Variants in METTL15 observed in about 807,000 individuals in gnomAD.
The protein encoded by METTL15 is methyltransferase 15, mitochondrial 12S rRNA N4-cytidine.
In METTL15, 34 loss-of-function variants were observed where a neutral mutation model predicts 38.3. The ratio of observed to expected loss-of-function variants is 0.89; its 90% CI spans 0.68 to 1.18. METTL15 has a LOEUF of 1.18. Ranked by LOEUF, METTL15 falls within the 50% of genes most tolerant of loss-of-function variation. METTL15 has a pLI of 0.00. For missense variants in METTL15, 438 were observed against 498.4 expected (o/e 0.88, Z 1.15); for synonymous variants, 162 against 170.9 (o/e 0.95, Z 0.41).
At chr11:28,129,293 TA>T (rs1314807503) in intron 3 of METTL15, among the ~76,000 whole-genome samples, 19 of 152,366 alleles carry the variant, frequency 1.2e-4, no homozygotes, top group African/African-American at 4.1e-4. Context: ...TAACATTTTA[TA>T]TAGTGATTTT....
intron 3 of METTL15, among the ~76,000 whole-genome samples, chr11:28,153,855 C>A (rs1402492124): frequency 6.6e-6 from 1 of 152,062 alleles, no homozygotes; most frequent in African/African-American, 2.4e-5. Flanking sequence ...TCGTTAGGCT[C>A]ATTTTACAAA....
chr11:28,530,137 T>C (rs1031493902), downstream of METTL15, among the ~76,000 whole-genome samples: 1 of 152,108 alleles, frequency 6.6e-6, no homozygotes, highest in African/African-American at 2.4e-5. Context: ...AAGGAGACAT[T>C]AATGAAACAA....
intron 6 of METTL15, among the ~76,000 whole-genome samples, chr11:28,473,870 C>T (rs547974655): frequency 6.6e-6 from 1 of 151,940 alleles, no homozygotes; most frequent in Non-Finnish European, 1.5e-5. Context: ...CCTATGTTTT[C>T]TTCAGGGCCC....
chr11:28,278,120 A>G (rs1855912544), intron 4 of METTL15, among the ~76,000 whole-genome samples: 2 of 152,164 alleles, frequency 1.3e-5, no homozygotes, highest in Non-Finnish European at 2.9e-5. Context: ...ACAACAACCC[A>G]GAAAAGCCCT....
intron 6 of METTL15, among the ~76,000 whole-genome samples, chr11:28,453,964 A>G (rs1851146596): frequency 6.6e-6 from 1 of 152,224 alleles, no homozygotes; most frequent in African/African-American, 2.4e-5. Context: ...AATTTTAATC[A>G]TACTGTATTA....
intron 5 of METTL15, among the ~76,000 whole-genome samples, chr11:28,408,238 C>T (rs918889861): frequency 2.0e-5 from 3 of 152,058 alleles, no homozygotes; most frequent in Non-Finnish European, 2.9e-5. Flanking sequence ...AGTTGATAGG[C>T]GCAGCACACC....
intron 4 of METTL15, among the ~76,000 whole-genome samples, chr11:28,227,881 T>C (rs1404138676): frequency 6.6e-6 from 1 of 151,948 alleles, no homozygotes; most frequent in Non-Finnish European, 1.5e-5. Context: ...TGTTTCCTGA[T>C]CATTCTATTA....
chr11:28,483,781 A>G (rs1380576822), intron 6 of METTL15, among the ~76,000 whole-genome samples: 1 of 152,158 alleles, frequency 6.6e-6, no homozygotes, highest in Non-Finnish European at 1.5e-5. Flanking sequence ...TCACAGTTCT[A>G]AGGTACTGAA....
At chr11:28,250,148 A>G (rs889936624) in intron 4 of METTL15, among the ~76,000 whole-genome samples, 5 of 151,968 alleles carry the variant, frequency 3.3e-5, no homozygotes, top group African/African-American at 9.7e-5. Flanking sequence ...GGTTGATTCT[A>G]TGTCTTTGCT....
At chr11:28,475,300 T>C (rs1851336570) in intron 6 of METTL15, among the ~76,000 whole-genome samples, 1 of 152,218 alleles carries the variant, frequency 6.6e-6, no homozygotes, top group Admixed American at 6.5e-5. Context: ...GAAAATTGCA[T>C]GATCCTCTTC....
At chr11:28,413,210 T>C (rs1205178390) in intron 5 of METTL15, among the ~76,000 whole-genome samples, 1 of 152,078 alleles carries the variant, frequency 6.6e-6, no homozygotes, top group East Asian at 1.9e-4. Flanking sequence ...CCATCATATC[T>C]ATTTCATCAA....
At chr11:28,526,730 G>A (rs1220778622) in exon 8 of METTL15, 1 of 152,342 alleles carries the variant, frequency 6.6e-6, no homozygotes, top group Non-Finnish European at 1.5e-5. Context: ...CTCCAGAACG[G>A]TGATGAAATG....
rs950440890 is a variant in METTL15 at position 28,342,405 on chromosome 11, G to A, written c.*190-9685G>A. Among the ~76,000 whole-genome samples, 4 of 152,030 alleles carry A rather than the reference G, an allele frequency of 2.6e-5. No homozygotes were observed. In the South Asian group the frequency reaches 8.3e-4, roughly 32 times the overall value. On this transcript the variant is annotated intron_variant and NMD_transcript_variant, in intron 3 of 7. Transcript: ENST00000532947. ...GGCCTCCCGAGTAGCTGGGACCACA[G>A]GTGTGTGGCACCAGGCTGGGCTAAT...
At chr11:28,349,268 T>C (rs997177871) in intron 3 of METTL15, among the ~76,000 whole-genome samples, 2 of 1,370 alleles carry the variant, frequency 1.5e-3, no homozygotes, top group Non-Finnish European at 0.014. Context: ...TCCCTGGGTG[T>C]GGCCAATCTG....
At chr11:28,137,893 A>T (rs1416416435) in intron 3 of METTL15, among the ~76,000 whole-genome samples, 2 of 152,026 alleles carry the variant, frequency 1.3e-5, no homozygotes, top group Non-Finnish European at 2.9e-5. Context: ...CACATGTATG[A>T]TTATACAGAC....
At chr11:28,230,931 C>T (rs1853660211) in intron 4 of METTL15, among the ~76,000 whole-genome samples, 1 of 151,786 alleles carries the variant, frequency 6.6e-6, no homozygotes, top group Non-Finnish European at 1.5e-5. Context: ...GCCTCTGTAC[C>T]ACAAGATAAA....
intron 6 of METTL15, among the ~76,000 whole-genome samples, chr11:28,519,642 TA>T (rs1851748042): frequency 1.3e-5 from 2 of 152,052 alleles, no homozygotes; most frequent in Non-Finnish European, 2.9e-5. Flanking sequence ...ACTGAAGACA[TA>T]CTGGGAAGTG....
chr11:28,330,293 T>C, intron 6 of METTL15, 103 bp from the exon 7 acceptor site: 1 of 1,032,410 alleles, frequency 9.7e-7, no homozygotes. Context: ...TAAGAAAACT[T>C]AGTTCACTAA....
intron 5 of METTL15, among the ~76,000 whole-genome samples, chr11:28,393,648 C>T (rs999126162): frequency 3.3e-5 from 5 of 152,186 alleles, no homozygotes; most frequent in African/African-American, 9.6e-5. Context: ...ATGGAGACTG[C>T]CTTCTCTCAG....
Sources: allele counts gnomAD v4.1 joint callset (sites outside exome capture counted in the v4.1 genomes callset), GRCh38; gene constraint gnomAD v4.1.1; transcripts MANE v1.5; gene names NCBI Gene and HGNC (gene_info 2026-07-23, HGNC 2026-07-21).